The following NKAIN2 variants were observed in gnomAD, a reference collection of about 807,000 sequenced individuals.
NKAIN2 encodes sodium/potassium-transporting ATPase subunit beta-1-interacting protein 2.
In NKAIN2, 14 loss-of-function variants were observed where a neutral mutation model predicts 32.6. The ratio of observed to expected loss-of-function variants is 0.43; its 90% CI spans 0.28 to 0.67. NKAIN2 has a LOEUF of 0.67. Among genes scored for constraint, NKAIN2 ranks in the 30% least tolerant of loss-of-function variants. The pLI is 0.17. For missense variants in NKAIN2, 198 were observed against 258.3 expected (o/e 0.77, Z 1.60); for synonymous variants, 80 against 87.2 (o/e 0.92, Z 0.46).
At chr6:124,556,051 A>T (rs1424641253) in intron 3 of NKAIN2, among the ~76,000 whole-genome samples, 3 of 149,524 alleles carry the variant, frequency 2.0e-5, no homozygotes, top group African/African-American at 7.4e-5. Flanking sequence ...TTCTCCTTCA[A>T]TTATTTTGCC....
chr6:124,758,859 T>C (rs772634115), intron 4 of NKAIN2, among the ~76,000 whole-genome samples: 28 of 152,146 alleles, frequency 1.8e-4, no homozygotes, highest in Non-Finnish European at 4.0e-4. Context: ...ATAAACCCTA[T>C]CTTTTAGCAA....
At chr6:124,437,605 G>A (rs568098239) in intron 3 of NKAIN2, among the ~76,000 whole-genome samples, 1 of 151,998 alleles carries the variant, frequency 6.6e-6, no homozygotes, top group East Asian at 1.9e-4. Context: ...CAAGAGTTAG[G>A]TTCTGTGAAT....
At chr6:124,170,299 G>A (rs1336746119) in intron 1 of NKAIN2, among the ~76,000 whole-genome samples, 6 of 152,058 alleles carry the variant, frequency 3.9e-5, no homozygotes, top group Non-Finnish European at 1.5e-5. Context: ...TACTACACTG[G>A]GAACAGTGTA....
chr6:124,567,168 T>G (rs1780947769), intron 3 of NKAIN2, among the ~76,000 whole-genome samples: 1 of 152,184 alleles, frequency 6.6e-6, no homozygotes, highest in Non-Finnish European at 1.5e-5. Flanking sequence ...ATCATACCCT[T>G]GCTATAAAAT....
chr6:123,976,386 T>TTCCC (rs1407674502), intron 1 of NKAIN2, among the ~76,000 whole-genome samples: 1 of 47,390 alleles, frequency 2.1e-5, no homozygotes, highest in African/African-American at 8.1e-5. Flanking sequence ...TATATATATA[T>TTCCC]ATATATATAT....
chr6:124,194,818 A>C (rs2114603030), intron 1 of NKAIN2, among the ~76,000 whole-genome samples: 1 of 152,276 alleles, frequency 6.6e-6, no homozygotes, highest in South Asian at 2.1e-4. Flanking sequence ...ATTTTTGGTA[A>C]GCTGTCATGC....
intron 1 of NKAIN2, among the ~76,000 whole-genome samples, chr6:124,267,326 TC>T (rs1190783704): frequency 6.6e-6 from 1 of 152,090 alleles, no homozygotes; most frequent in Non-Finnish European, 1.5e-5. Flanking sequence ...TTCTATTTCT[TC>T]CAATGTGTGG....
intron 1 of NKAIN2, among the ~76,000 whole-genome samples, chr6:124,223,238 A>AAAAG (rs1791928810): frequency 6.9e-6 from 1 of 143,968 alleles, no homozygotes; most frequent in African/African-American, 2.5e-5. Context: ...AAAAAAAAAA[A>AAAAG]GTGGAAGAGA....
intron 1 of NKAIN2, among the ~76,000 whole-genome samples, chr6:124,192,648 A>AT (rs745447521): frequency 7.1e-6 from 1 of 140,922 alleles, no homozygotes; most frequent in Admixed American, 7.2e-5. Flanking sequence ...ATCCTTACAG[A>AT]TTTTTTTTGT....
At chr6:124,139,079 A>ATTTTTTTTTTTTTTTTTTTTTTTT (rs900247440) in intron 1 of NKAIN2, among the ~76,000 whole-genome samples, 1 of 99,470 alleles carries the variant, frequency 1.0e-5, no homozygotes, top group Non-Finnish European at 1.8e-5. Context: ...TTAAATAAAA[A>ATTTTTTTTTTTTTTTTTTTTTTTT]TTTTTTTTTT....
In NKAIN2 at chr6:124,727,428, C is replaced by G. The variant is rs1455409854; in HGVS notation, c.475-63911C>G. On this transcript the variant is annotated intron_variant, in intron 4 of 6. Coordinates refer to ENST00000368417, the MANE Select transcript of NKAIN2 (RefSeq NM_001040214.3). ...CAACATTCTTAAAGAAAAGAATTTT[C>G]AACCCAGAATTTCATATCCAGCCAA... Among the ~76,000 whole-genome samples the G allele has an allele frequency of 5.3e-5, 8 of 150,868 alleles. No homozygotes were observed. In the East Asian group the frequency reaches 1.6e-3, roughly 30 times the overall value.
At chr6:124,469,765 AT>A (rs1373840208) in intron 3 of NKAIN2, among the ~76,000 whole-genome samples, 1 of 152,152 alleles carries the variant, frequency 6.6e-6, no homozygotes, top group Non-Finnish European at 1.5e-5. Flanking sequence ...GAGATCCACA[AT>A]AAAGTGTAGG....
At chr6:124,650,111 C>A (rs144191015) in intron 3 of NKAIN2, among the ~76,000 whole-genome samples, 3 of 152,306 alleles carry the variant, frequency 2.0e-5, no homozygotes, top group East Asian at 3.9e-4. Context: ...TTCCCTCTCA[C>A]TACACCTCTT....
Position 124,077,763 on chromosome 6 carries a change from T to A in NKAIN2, c.55-205242T>A, listed in dbSNP as rs997599342. On this transcript the variant is annotated intron_variant, in intron 1 of 6. Transcript: ENST00000368417. The stretch of plus-strand genomic sequence containing the variant: ...AGATGCTCACCACCACACCCAGCTA[T>A]TTTTTTTTTATTTTTTGTGGAGTTG... Among the ~76,000 whole-genome samples, 10 of 128,054 alleles carry A rather than the reference T, an allele frequency of 7.8e-5. No individual in the cohort carries two copies. The East Asian group carries it at 2.0e-3, about 26-fold the overall frequency. 84.0% of individuals were successfully genotyped at this position (128,054 alleles called of 152,430 possible). A position where few individuals can be genotyped will look rare whatever the true frequency, so the allele number is the denominator to read the frequency against.
intron 3 of NKAIN2, among the ~76,000 whole-genome samples, chr6:124,378,516 T>G (rs1397708532): frequency 6.6e-6 from 1 of 152,158 alleles, no homozygotes; most frequent in East Asian, 1.9e-4. Context: ...CAGTTTCTCC[T>G]TATTTCAGGA....
chr6:124,574,446 T>C (rs993137739), intron 3 of NKAIN2, among the ~76,000 whole-genome samples: 1 of 152,022 alleles, frequency 6.6e-6, no homozygotes, highest in Non-Finnish European at 1.5e-5. Flanking sequence ...GGCGAAACCC[T>C]GTCTCTACTA....
chr6:124,099,155 A>T (rs1582639887), intron 1 of NKAIN2, among the ~76,000 whole-genome samples: 1 of 152,324 alleles, frequency 6.6e-6, no homozygotes, highest in Non-Finnish European at 1.5e-5. Context: ...CATATAATGG[A>T]TAATATTTGT....
intron 3 of NKAIN2, among the ~76,000 whole-genome samples, chr6:124,518,948 A>G (rs1779025134): frequency 6.6e-6 from 1 of 152,180 alleles, no homozygotes; most frequent in Non-Finnish European, 1.5e-5. Flanking sequence ...TCACTCCACA[A>G]ACATTTAGGA....
At chr6:124,517,031 C>G (rs559001008) in intron 3 of NKAIN2, among the ~76,000 whole-genome samples, 5 of 152,240 alleles carry the variant, frequency 3.3e-5, no homozygotes, top group African/African-American at 1.2e-4. Flanking sequence ...GAGTAACTTT[C>G]TGTATACTCT....
Sources: allele counts gnomAD v4.1 joint callset (sites outside exome capture counted in the v4.1 genomes callset), GRCh38; gene constraint gnomAD v4.1.1; transcripts MANE v1.5; gene names NCBI Gene and HGNC (gene_info 2026-07-23, HGNC 2026-07-21).